Variants in DNAL1 observed in about 807,000 individuals in gnomAD.
DNAL1 encodes the protein dynein axonemal light chain 1.
In DNAL1, 17 loss-of-function variants were observed where a neutral mutation model predicts 29.4. That is an observed-to-expected ratio of 0.58 (90% confidence interval 0.40 to 0.87). DNAL1 has a LOEUF of 0.87. Ranked by LOEUF, DNAL1 falls within the 40% of genes least tolerant of loss-of-function variation. DNAL1 has a pLI of 0.00. For synonymous variants in DNAL1, 78 were observed against 76.3 expected, an observed-to-expected ratio of 1.02 and a Z score of -0.12; for missense variants, 188 against 214.1, an observed-to-expected ratio of 0.88 and a Z score of 0.76.
chr14:73,645,209 C>T (rs1329602860), intron 1 of DNAL1, among the ~76,000 whole-genome samples, 167 bp downstream of exon 1: 1 of 151,934 alleles, frequency 6.6e-6, no homozygotes, highest in African/African-American at 2.4e-5. Flanking sequence ...AAGCCCTGGC[C>T]GGGGGTGGTC....
At chr14:73,695,519 C>T (rs150741491) in intron 7 of DNAL1, among the ~76,000 whole-genome samples, 2,122 of 152,070 alleles carry the variant, frequency 0.014, 24 homozygotes, top group Middle Eastern at 0.031. Flanking sequence ...CATAGTATCT[C>T]AGAGCTTCTC....
rs530824546 is a variant in DNAL1 at position 73,698,526 on chromosome 14, TTTTGTTTG to T, written c.*2600_*2607del. The T allele has an allele frequency of 1.3e-5, 2 of 152,118 alleles. No individual in the cohort carries two copies. The highest frequency in any genetic ancestry group is 6.6e-5 in the Admixed American group (1 of 15,248). The allele number at this position is 152,118 out of a possible 1,614,324, so 9.4% of individuals were successfully genotyped here. A position where few individuals can be genotyped will look rare whatever the true frequency, so the allele number is the denominator to read the frequency against. On this transcript the variant is annotated 3_prime_UTR_variant, in exon 8 of 8. Coordinates refer to ENST00000553645, the MANE Select transcript of DNAL1 (RefSeq NM_031427.4). ...TTTAAATTTTTTCTATTCTGTTTTT[TTTTGTTTG>T]TTTGTTTGTTTGTTTTAAACAGAGT...
intron 6 of DNAL1, among the ~76,000 whole-genome samples, chr14:73,687,586 G>C (rs1265780118): frequency 6.6e-6 from 1 of 152,170 alleles, no homozygotes. Flanking sequence ...TATTTACTTA[G>C]GATGGACCGG....
At chr14:73,659,864 T>C (rs1254148184) in intron 3 of DNAL1, among the ~76,000 whole-genome samples, 2 of 152,240 alleles carry the variant, frequency 1.3e-5, no homozygotes, top group African/African-American at 2.4e-5. Context: ...CACAGCACTG[T>C]GTGAGAACCA....
chr14:73,649,131 C>T lies in DNAL1; in HGVS notation c.3+4089C>T, dbSNP rs899894653. On this transcript the variant is annotated intron_variant, in intron 1 of 7. Transcript: ENST00000553645. Reference sequence around the variant, plus strand: ...CTGGAATTACAGGCACCCGCCACCACGCCTGGCTAATTTTCATATTTTTAG... The same window carrying T: ...CTGGAATTACAGGCACCCGCCACCATGCCTGGCTAATTTTCATATTTTTAG... Among the ~76,000 whole-genome samples, 8 of 151,902 alleles carry T rather than the reference C, an allele frequency of 5.3e-5. No homozygotes were observed. In the East Asian group the frequency reaches 5.8e-4, roughly 11 times the overall value.
chr14:73,664,867 AAAAT>A (rs1891439733), intron 4 of DNAL1, among the ~76,000 whole-genome samples: 1 of 152,126 alleles, frequency 6.6e-6, no homozygotes, highest in Non-Finnish European at 1.5e-5. Context: ...TCTAAAAAAA[AAAAT>A]AAAAAAAAAT....
At chr14:73,687,139 C>A in intron 5 of DNAL1, 120 bp from the exon 6 acceptor site, 3 of 1,246,748 alleles carry the variant, frequency 2.4e-6, no homozygotes, top group Non-Finnish European at 3.3e-6. Context: ...ACTAGCTCTT[C>A]TACAAGTAGA....
At chr14:73,689,138 G>A (rs138132311) in intron 6 of DNAL1, among the ~76,000 whole-genome samples, 36 of 143,304 alleles carry the variant, frequency 2.5e-4, no homozygotes, top group African/African-American at 8.0e-4. Context: ...GGTTCAAGCA[G>A]TTCTCCTGCC....
At chr14:73,673,184 A>G (rs907226724) in intron 5 of DNAL1, 9 of 152,344 alleles carry the variant, frequency 5.9e-5, no homozygotes, top group African/African-American at 2.2e-4. Context: ...AGCGTAAAAT[A>G]TTAAATTGTA....
intron 4 of DNAL1, among the ~76,000 whole-genome samples, chr14:73,666,293 A>T (rs919021503): frequency 2.6e-5 from 4 of 152,198 alleles, no homozygotes; most frequent in African/African-American, 9.6e-5. Context: ...ATTGTACCAG[A>T]ATTGTGACTA....
chr14:73,668,408 A>G (rs532381217), intron 4 of DNAL1, among the ~76,000 whole-genome samples: 18 of 152,338 alleles, frequency 1.2e-4, no homozygotes, highest in African/African-American at 4.1e-4. Context: ...GAAATAGAAA[A>G]AAGAAAATGG....
intron 2 of DNAL1, among the ~76,000 whole-genome samples, chr14:73,656,329 TG>T (rs1891214156): frequency 2.6e-5 from 4 of 152,168 alleles, no homozygotes; most frequent in African/African-American, 9.6e-5. Flanking sequence ...TCATTTTCCT[TG>T]AATTGGATTT....
At chr14:73,692,306 AC>A in intron 7 of DNAL1, among the ~76,000 whole-genome samples, 1 of 151,880 alleles carries the variant, frequency 6.6e-6, no homozygotes, top group East Asian at 1.9e-4. Flanking sequence ...ACCTGGTGAA[AC>A]CCTGTCTCTA....
chr14:73,653,427 C>G (rs1026418860), intron 1 of DNAL1, among the ~76,000 whole-genome samples: 51 of 152,198 alleles, frequency 3.4e-4, no homozygotes, highest in African/African-American at 1.2e-3. Context: ...TCATCCCTCA[C>G]TGTAACCTCG....
intron 4 of DNAL1, among the ~76,000 whole-genome samples, chr14:73,662,843 T>C (rs1455784597): frequency 6.6e-6 from 1 of 150,866 alleles, no homozygotes; most frequent in Non-Finnish European, 1.5e-5. Context: ...TAAGGTAACG[T>C]TCACAGGTTC....
At chr14:73,658,711 A>G (rs1284359971) in intron 2 of DNAL1, 136 bp from the exon 3 acceptor site, 2 of 552,332 alleles carry the variant, frequency 3.6e-6, no homozygotes, top group Non-Finnish European at 6.2e-6. Context: ...AGTTAATGGT[A>G]AAGAATTATT....
Position 73,701,567 on chromosome 14 carries a change from A to G in DNAL1, c.*5625A>G, listed in dbSNP as rs1019887491. On this transcript the variant is annotated 3_prime_UTR_variant, in exon 8 of 8. Transcript: ENST00000553645. ...TTAAATGAATGTAGAGTTGTCTAAC[A>G]TTATATGGGTGGGAGGCTCTTTGCC... 2 of 152,244 alleles carry G rather than the reference A, an allele frequency of 1.3e-5. No individual in the cohort carries two copies. The highest frequency in any genetic ancestry group is 1.3e-4 in the Admixed American group (2 of 15,284). The allele number at this position is 152,244 out of a possible 1,614,324, so 9.4% of individuals were successfully genotyped here. A position where few individuals can be genotyped will look rare whatever the true frequency, so the allele number is the denominator to read the frequency against.
chr14:73,689,784 C>A (rs547944402), intron 7 of DNAL1, among the ~76,000 whole-genome samples: 52 of 152,196 alleles, frequency 3.4e-4, no homozygotes, highest in African/African-American at 1.1e-3. Flanking sequence ...GCCTGTAATC[C>A]TAGCACTTTG....
At chr14:73,668,978 C>T (rs1406966095) in intron 4 of DNAL1, among the ~76,000 whole-genome samples, 2 of 151,686 alleles carry the variant, frequency 1.3e-5, no homozygotes, top group South Asian at 2.1e-4. Context: ...CACCTGGCCC[C>T]TCCCTCTCTC....
Sources: gnomAD v4.1 joint callset for allele counts (sites outside exome capture counted in the v4.1 genomes callset) on GRCh38, gnomAD v4.1.1 for gene constraint, MANE v1.5 for transcripts, NCBI Gene and HGNC (gene_info 2026-07-23, HGNC 2026-07-21) for gene names.